The following MYH10 variants were observed in gnomAD, a reference collection of about 807,000 sequenced individuals.
MYH10 encodes myosin heavy chain 10.
MYH10 carries 55 observed loss-of-function variants against 257.8 expected under a neutral mutation model. That is an observed-to-expected ratio of 0.21 (90% CI 0.17 to 0.27). The LOEUF is 0.27. MYH10 is among the 10% of genes least tolerant of loss of function. MYH10 has a pLI of 1.00. For synonymous variants in MYH10, 854 were observed against 921.7 expected, an observed-to-expected ratio of 0.93 and a Z score of 1.33; for missense variants, 1,631 against 2,500.6, an observed-to-expected ratio of 0.65 and a Z score of 7.42.
rs1464609501 is a variant in MYH10, at chr17:8,490,237, G to GT, written c.4884+102dup. ...CATTTTACTCTATGTGTTACTCTGT[G>GT]TTTACTCAGATGTGTTCTAACACGA... On this transcript the variant is annotated intron_variant, in intron 35 of 42. Coordinates refer to ENST00000360416, the MANE Select transcript of MYH10 (RefSeq NM_001256012.3). The surrounding 1 kb of genome is among the most constrained non-coding windows in gnomAD (Gnocchi z 4.1). 1.1e-6 allele frequency: 1 copy of GT among 951,808 alleles called. No homozygotes were observed. The highest frequency in any genetic ancestry group is 2.4e-5 in the East Asian group (1 of 41,412). The allele number at this position is 951,808 out of a possible 1,614,324, so 59.0% of individuals were successfully genotyped here. A position where few individuals can be genotyped will look rare whatever the true frequency, so the allele number is the denominator to read the frequency against.
At chr17:8,481,627 G>A (rs1290166562) in intron 37 of MYH10, among the ~76,000 whole-genome samples, 2 of 152,200 alleles carry the variant, frequency 1.3e-5, no homozygotes, top group South Asian at 4.1e-4. Flanking sequence ...GATGTCCAGA[G>A]GAAAGTCTTC....
At chr17:8,476,423 AC>A (rs1912621190) in intron 42 of MYH10, among the ~76,000 whole-genome samples, 2 of 152,210 alleles carry the variant, frequency 1.3e-5, no homozygotes, top group South Asian at 4.1e-4. Flanking sequence ...ACCTCCGCCG[AC>A]CTGGTCTTCT....
chr17:8,480,151 G>A lies in MYH10; in HGVS notation c.5556C>T (p.Ala1852=). The part of the protein sequence containing the change: ...KFKATISALE[A]KIGQLEEQLE... ...GCTGCTCCTCCAGCTGCCCAATCTTGGCCTCCAGGGCTGAGATGGTGGCCT... is the reference window on the plus strand; with the variant it reads ...GCTGCTCCTCCAGCTGCCCAATCTTAGCCTCCAGGGCTGAGATGGTGGCCT... The change falls in exon 40 of 43, where the codon GCC becomes GCT. Residue 1852 remains alanine, a synonymous_variant. Transcript: ENST00000360416. The A allele has an allele frequency of 1.2e-6, 2 of 1,614,090 alleles. No homozygotes were observed. The highest frequency in any genetic ancestry group is 1.7e-6 in the Non-Finnish European group (2 of 1,180,018).
intron 24 of MYH10, among the ~76,000 whole-genome samples, 159 bp from the exon 25 acceptor site, chr17:8,510,108 G>A (rs1819781076): frequency 1.4e-5 from 2 of 146,270 alleles, no homozygotes; most frequent in East Asian, 2.0e-4. Context: ...GTGCCACCTC[G>A]GCTCGCTGCA....
At chr17:8,611,585 C>G (rs1224008328) in intron 2 of MYH10, among the ~76,000 whole-genome samples, 1 of 151,820 alleles carries the variant, frequency 6.6e-6, no homozygotes, top group Non-Finnish European at 1.5e-5. Flanking sequence ...CAAAACAAAA[C>G]AAAACAAAAA....
chr17:8,506,340 C>A lies in MYH10; in HGVS notation c.3364G>T (p.Glu1122Ter). Residue 1122 changes from glutamate to a stop codon, truncating the protein, a stop_gained, in exon 27 of 43, where the codon GAG (glutamate) becomes TAG (stop). Transcript: ENST00000360416. LOFTEE classifies it high-confidence loss of function. This position sits in a 1 kb window ranked among gnomAD's most constrained non-coding sequence, Gnocchi z 5.0. The part of the protein sequence containing the change: ...LKLQLAKKEE[E>*]LQGALARGDD... Reference sequence around the variant, plus strand: ...GACCTGGCCAGTGCGCCCTGCAGCTCCTCCTCCTTCTTGGCCAGCTGCAGC... The same window carrying A: ...GACCTGGCCAGTGCGCCCTGCAGCTACTCCTCCTTCTTGGCCAGCTGCAGC... The A allele has an allele frequency of 1.2e-6, 2 of 1,604,738 alleles. No individual in the cohort carries two copies. Among genetic ancestry groups the A allele is most frequent in the Non-Finnish European group, 1.7e-6 (2 of 1,177,188 alleles).
At chr17:8,619,251 A>AT (rs552511332) in intron 2 of MYH10, among the ~76,000 whole-genome samples, 18 of 152,118 alleles carry the variant, frequency 1.2e-4, no homozygotes, top group East Asian at 5.8e-4. Context: ...GTGAAACTGC[A>AT]TTTTTTTTAA....
At chr17:8,564,632 A>G (rs989347686) in intron 7 of MYH10, among the ~76,000 whole-genome samples, 2 of 152,218 alleles carry the variant, frequency 1.3e-5, no homozygotes, top group Non-Finnish European at 2.9e-5. Flanking sequence ...GACCACTGGT[A>G]TATTCCCAGG....
Position 8,545,064 on chromosome 17 carries a change from C to T in MYH10, c.1431+384G>A, listed in dbSNP as rs1318937188. On this transcript the variant is annotated intron_variant, in intron 13 of 42. Transcript: ENST00000360416. The surrounding 1 kb of genome is among the most constrained non-coding windows in gnomAD (Gnocchi z 4.7). ...CTCCCTCTGGTCAGCTATATCCAGT[C>T]ATACTGGCTTTCTAGCAGCTTAGAA... 6.6e-6 allele frequency among the ~76,000 whole-genome samples: 1 copy of T among 152,236 alleles called. No homozygotes were observed. Among genetic ancestry groups the T allele is most frequent in the Non-Finnish European group, 1.5e-5 (1 of 68,048 alleles).
Position 8,623,239 on chromosome 17 carries a change from T to C in MYH10, c.8A>G (p.Gln3Arg). 3.2e-6 allele frequency: 5 copies of C among 1,575,828 alleles called. No individual in the cohort carries two copies. The highest frequency in any genetic ancestry group is 4.3e-6 in the Non-Finnish European group (5 of 1,164,482). Reference sequence around the variant, plus strand: ...CTCTGGATCCTCGAGTCCAGTTCTCTGCGCCATTGTAAATGGAACGATCCA... The same window carrying C: ...CTCTGGATCCTCGAGTCCAGTTCTCCGCGCCATTGTAAATGGAACGATCCA... Reference protein sequence around the residue: MAQRTGLEDPERY... With the variant: MARRTGLEDPERY... The change falls in exon 2 of 43, where the codon CAG becomes CGG. Residue 3 changes from glutamine (Q) to arginine (R), a missense_variant. Physicochemically the swap from Gln to Arg is conservative, Grantham distance 43 (BLOSUM62 1). Transcript: ENST00000360416.
At chr17:8,570,776 T>C (rs2083306241) in intron 6 of MYH10, among the ~76,000 whole-genome samples, 2 of 152,100 alleles carry the variant, frequency 1.3e-5, no homozygotes, top group South Asian at 4.1e-4. Flanking sequence ...TTAGTGGCAT[T>C]TGGTATGTGA....
intron 4 of MYH10, among the ~76,000 whole-genome samples, chr17:8,582,744 A>G (rs919461412): frequency 3.9e-5 from 6 of 152,268 alleles, no homozygotes; most frequent in Admixed American, 2.0e-4. Context: ...AGTGATGCAG[A>G]TCATTAATAC....
At chr17:8,502,492 G>C (rs1330848101) in intron 28 of MYH10, among the ~76,000 whole-genome samples, 1 of 152,006 alleles carries the variant, frequency 6.6e-6, no homozygotes, top group Non-Finnish European at 1.5e-5. Context: ...GTGTGTGTGT[G>C]TGTGTGTGTG....
chr17:8,590,225 T>C (rs2084072104), intron 3 of MYH10, among the ~76,000 whole-genome samples: 1 of 152,220 alleles, frequency 6.6e-6, no homozygotes, highest in African/African-American at 2.4e-5. Context: ...TTTTACATAA[T>C]ATTATTAAAC....
intron 35 of MYH10, among the ~76,000 whole-genome samples, chr17:8,488,227 T>A (rs554371494): frequency 6.6e-6 from 1 of 152,288 alleles, no homozygotes; most frequent in East Asian, 1.9e-4. Flanking sequence ...GTGGCACTCT[T>A]CACTCAGCCT....
Position 8,552,206 on chromosome 17 carries a change from C to G in MYH10, c.821-62G>C, listed in dbSNP as rs1198424911. ...TAATTCTTAAATAAATAAAGGCCCT[C>G]TTTCAGCGTCTGTAAATTTAAATCA... is the stretch of plus-strand genomic sequence containing the variant. On this transcript the variant is annotated intron_variant, in intron 8 of 42. Coordinates refer to ENST00000360416, the MANE Select transcript of MYH10 (RefSeq NM_001256012.3). The surrounding 1 kb of genome is among the most constrained non-coding windows in gnomAD (Gnocchi z 4.8). The G allele has an allele frequency of 1.3e-6, 1 of 751,920 alleles. No homozygotes were observed. Among genetic ancestry groups the G allele is most frequent in the African/African-American group, 1.8e-5 (1 of 54,844 alleles). 46.6% of individuals were successfully genotyped at this position (751,920 alleles called of 1,614,324 possible).
At chr17:8,587,268 G>A (rs192368350) in intron 4 of MYH10, among the ~76,000 whole-genome samples, 1 of 152,244 alleles carries the variant, frequency 6.6e-6, no homozygotes, top group Non-Finnish European at 1.5e-5. Flanking sequence ...TCCAACTGCT[G>A]GGAAACCTGT....
At chr17:8,624,134 G>A (rs1360908853) in intron 1 of MYH10, among the ~76,000 whole-genome samples, 2 of 152,228 alleles carry the variant, frequency 1.3e-5, no homozygotes, top group African/African-American at 4.8e-5. Flanking sequence ...ATTGAGGAAA[G>A]TACTGGTTCT....
chr17:8,478,442 G>C lies in MYH10; in HGVS notation c.5602C>G (p.Arg1868Gly). The C allele has an allele frequency of 6.2e-7, 1 of 1,614,110 alleles. No homozygotes were observed. Among genetic ancestry groups the C allele is most frequent in the South Asian group, 1.1e-5 (1 of 91,080 alleles). Reference sequence around the variant, plus strand: ...CGGACTAATTTGTTGGCGGCTGCTCGTTCCCTGTGAAAGTGGTCACAGTAG... The same window carrying C: ...CGGACTAATTTGTTGGCGGCTGCTCCTTCCCTGTGAAAGTGGTCACAGTAG... Reference protein sequence around the residue: ...EEQLEQEAKERAAANKLVRRT... With the variant: ...EEQLEQEAKEGAAANKLVRRT... The change falls in exon 41 of 43, where the codon CGA becomes GGA. Residue 1868 changes from arginine to glycine, a missense_variant. Coordinates refer to ENST00000360416, the MANE Select transcript of MYH10 (RefSeq NM_001256012.3).
Sources: gnomAD v4.1 joint callset for allele counts (sites outside exome capture counted in the v4.1 genomes callset) on GRCh38, gnomAD v4.1.1 for gene constraint, Gnocchi (gnomAD v3.1) non-coding constraint, MANE v1.5 for transcripts, NCBI Gene and HGNC (gene_info 2026-07-23, HGNC 2026-07-21) for gene names.